Variants in DBNL observed in about 807,000 individuals in gnomAD.
The protein encoded by DBNL is drebrin-like protein.
Under a neutral mutation model 62.2 loss-of-function variants are expected in DBNL, and 35 were observed. That is an observed-to-expected ratio of 0.56 (90% confidence interval 0.43 to 0.75). The LOEUF (loss-of-function observed/expected upper bound fraction) is 0.75. DBNL is among the 30% of genes least tolerant of loss of function. The probability of loss-of-function intolerance (pLI) is 0.00; values close to 1 mark genes in which losing one functional copy is unlikely to be tolerated. For missense variants in DBNL, 495 were observed against 578.4 expected, an observed-to-expected ratio of 0.86 and a Z score of 1.48; for synonymous variants, 197 against 218.0, an observed-to-expected ratio of 0.90 and a Z score of 0.85.
chr7:44,062,880 T>TG lies in DBNL; in HGVS notation c.*1968dup. 6.2e-7 allele frequency: 1 copy of TG among 1,614,162 alleles called. No homozygotes were observed. Among genetic ancestry groups the TG allele is most frequent in the South Asian group, 1.1e-5 (1 of 91,080 alleles). ...AGCTCCTTGTTCAGCTCATACACAA[T>TG]GGGGATCCCCGTGGGCAGGTTCAGC... On this transcript the variant is annotated 3_prime_UTR_variant, in exon 13 of 13. Coordinates refer to ENST00000448521, the MANE Select transcript of DBNL (RefSeq NM_001014436.3).
At position 44,064,760 on chromosome 7, in the gene DBNL, CTT is replaced by C. The variant is rs1562660879; in HGVS notation, c.*3846_*3847del. ...GAAAGCCTGGTCCATGGGCGAGAGA[CTT>C]TGCTGAGATGAGAAGCCAGCTGGGG... On this transcript the variant is annotated 3_prime_UTR_variant, in exon 13 of 13. Transcript: ENST00000448521. The C allele has an allele frequency of 1.2e-5, 17 of 1,361,538 alleles. No homozygotes were observed. The highest frequency in any genetic ancestry group is 3.9e-5 in the Admixed American group (2 of 51,018). The allele number at this position is 1,361,538 out of a possible 1,614,324, so 84.3% of individuals were successfully genotyped here.
intron 1 of DBNL, 84 bp from the exon 2 acceptor site, chr7:44,050,141 T>G: frequency 1.4e-6 from 2 of 1,459,528 alleles, no homozygotes; most frequent in Non-Finnish European, 1.9e-6. Context: ...CTCTTTGGGA[T>G]GTAGTGGAAA....
At chr7:44,056,571 G>GTTGGTTTGTTTGAGCCCTCAA (rs1454857199) in intron 4 of DBNL, among the ~76,000 whole-genome samples, 186 bp from the exon 5 acceptor site, 1 of 152,186 alleles carries the variant, frequency 6.6e-6, no homozygotes, top group African/African-American at 2.4e-5. Flanking sequence ...TTTGCTCCAA[G>GTTGGTTTGTTTGAGCCCTCAA]TTGGTTTGTT....
chr7:44,053,943 T>A (rs1005281888), intron 4 of DBNL, among the ~76,000 whole-genome samples: 2 of 152,194 alleles, frequency 1.3e-5, no homozygotes, highest in Non-Finnish European at 2.9e-5. Flanking sequence ...CCCAAAGTGC[T>A]AGGATTACAG....
chr7:44,064,979 G>T lies in DBNL; in HGVS notation c.*4063G>T. On this transcript the variant is annotated 3_prime_UTR_variant, in exon 13 of 13. Transcript: ENST00000448521. ...TCCTTGAGGCTCTCGCAGGTGGGGA[G>T]TTCCCCGGGCTTCAGGCCTGCGTAC... The T allele has an allele frequency of 6.2e-7, 1 of 1,606,990 alleles. No homozygotes were observed. The highest frequency in any genetic ancestry group is 8.5e-7 in the Non-Finnish European group (1 of 1,179,622).
rs1020544085 is a variant in DBNL at position 44,068,179 on chromosome 7, C to T, written c.*7263C>T. 1 of 152,212 alleles carries T rather than the reference C, an allele frequency of 6.6e-6. No individual in the cohort carries two copies. Among genetic ancestry groups the T allele is most frequent in the Admixed American group, 6.5e-5 (1 of 15,290 alleles). 9.4% of individuals were successfully genotyped at this position (152,212 alleles called of 1,614,324 possible). A position where few individuals can be genotyped will look rare whatever the true frequency, so the allele number is the denominator to read the frequency against. On this transcript the variant is annotated 3_prime_UTR_variant, in exon 13 of 13. Coordinates refer to ENST00000448521, the MANE Select transcript of DBNL (RefSeq NM_001014436.3). ...CATGGGGCAACCACCTTCTGCAGCTCCTTTCTGCCCCCCTGCGCTGGGCCC... is the reference window on the plus strand; with the variant it reads ...CATGGGGCAACCACCTTCTGCAGCTTCTTTCTGCCCCCCTGCGCTGGGCCC...
intron 1 of DBNL, among the ~76,000 whole-genome samples, chr7:44,045,626 C>CT (rs1484581382): frequency 1.3e-5 from 2 of 152,244 alleles, no homozygotes; most frequent in African/African-American, 2.4e-5. Flanking sequence ...GCCTTGGAGT[C>CT]TGAGTCGTGG....
rs371509257 is a variant in DBNL at position 44,065,274 on chromosome 7, G to A, written c.*4358G>A. 54 of 1,613,416 alleles carry A rather than the reference G, an allele frequency of 3.3e-5. No homozygotes were observed. Among genetic ancestry groups the A allele is most frequent in the Admixed American group, 5.0e-5 (3 of 60,004 alleles). On this transcript the variant is annotated 3_prime_UTR_variant, in exon 13 of 13. Coordinates refer to ENST00000448521, the MANE Select transcript of DBNL (RefSeq NM_001014436.3). ...CCCCCGTAATGCCGCTCATTGAGGC[G>A]CCAAGTGCGCACCACAGGCAGCCAC...
chr7:44,063,293 C>CT lies in DBNL; in HGVS notation c.*2385dup, dbSNP rs561619477. On this transcript the variant is annotated 3_prime_UTR_variant, in exon 13 of 13. Coordinates refer to ENST00000448521, the MANE Select transcript of DBNL (RefSeq NM_001014436.3). Reference sequence around the variant, plus strand: ...TTTTTTTTCTTTTCTTTTTCTTTTTCTTTTTTTTGAGATGGAGTTTTACTC... The same window carrying CT: ...TTTTTTTTCTTTTCTTTTTCTTTTTCTTTTTTTTTGAGATGGAGTTTTACTC... The CT allele has an allele frequency of 7.2e-4, 227 of 315,402 alleles. 1 individual carries two copies. The highest frequency in any genetic ancestry group is 5.2e-3 in the South Asian group (184 of 35,152). 19.5% of individuals were successfully genotyped at this position (315,402 alleles called of 1,614,324 possible).
intron 1 of DBNL, among the ~76,000 whole-genome samples, chr7:44,048,596 A>G (rs1029799365): frequency 2.0e-5 from 3 of 152,172 alleles, no homozygotes; most frequent in Non-Finnish European, 4.4e-5. Flanking sequence ...GGCACTGGCA[A>G]AGCCCTGGGG....
chr7:44,058,997 T>C lies in DBNL; in HGVS notation c.835+14T>C. On this transcript the variant is annotated intron_variant, in intron 9 of 12. Transcript: ENST00000448521. ...GTCCTCAGCCTGGTGAGCTCTCCCT[T>C]TGGGCCTGGCCATGAGGCAGCAGCA... 6.2e-7 allele frequency: 1 copy of C among 1,613,602 alleles called. No homozygotes were observed. Among genetic ancestry groups the C allele is most frequent in the Non-Finnish European group, 8.5e-7 (1 of 1,179,850 alleles).
In DBNL at chr7:44,044,765, C is replaced by A; in HGVS notation, c.28C>A (p.Pro10Thr). 1 of 1,507,966 alleles carries A rather than the reference C, an allele frequency of 6.6e-7. No homozygotes were observed. The highest frequency in any genetic ancestry group is 1.2e-5 in the South Asian group (1 of 81,532). The allele number at this position is 1,507,966 out of a possible 1,614,324, so 93.4% of individuals were successfully genotyped here. The change falls in exon 1 of 13, where the codon CCA becomes ACA. Residue 10 changes from proline (P) to threonine (T), a missense_variant. By Grantham distance (38) the Pro-to-Thr change is conservative. Coordinates refer to ENST00000448521, the MANE Select transcript of DBNL (RefSeq NM_001014436.3). Reference protein sequence around the residue: MAANLSRNGPALQEAYVRVV... With the variant: MAANLSRNGTALQEAYVRVV... ...GGCGGCGAACCTGAGCCGGAACGGGCCAGCGCTGCAAGAGGCCTACGTGCG... is the reference window on the plus strand; with the variant it reads ...GGCGGCGAACCTGAGCCGGAACGGGACAGCGCTGCAAGAGGCCTACGTGCG...
At chr7:44,052,064 C>A in intron 3 of DBNL, 122 bp downstream of exon 3, 1 of 758,310 alleles carries the variant, frequency 1.3e-6, no homozygotes, top group Non-Finnish European at 2.2e-6. Context: ...AATAGAACAG[C>A]TCTGAGCTGG....
rs1258117026 is a variant in DBNL, at chr7:44,060,635, C to T, written c.1154-142C>T. 3.2e-6 allele frequency: 4 copies of T among 1,249,756 alleles called. No individual in the cohort carries two copies. Among genetic ancestry groups the T allele is most frequent in the East Asian group, 2.4e-5 (1 of 41,398 alleles). The allele number at this position is 1,249,756 out of a possible 1,614,324, so 77.4% of individuals were successfully genotyped here. A position where few individuals can be genotyped will look rare whatever the true frequency, so the allele number is the denominator to read the frequency against. On this transcript the variant is annotated intron_variant, in intron 12 of 12. Coordinates refer to ENST00000448521, the MANE Select transcript of DBNL (RefSeq NM_001014436.3). The surrounding 1 kb of genome is among the most constrained non-coding windows in gnomAD (Gnocchi z 6.3). ...GGGTGCAGTGTTGGCCAAGGCTTAG[C>T]AGGGTGGCAGGGATATTTCTGAGGA...
chr7:44,044,887 C>G (rs6944386), intron 1 of DBNL, 67 bp downstream of exon 1: 40 of 1,137,164 alleles, frequency 3.5e-5, no homozygotes, highest in South Asian at 1.2e-4. Context: ...CTGGGGCGAG[C>G]GGGGGACTCG....
In DBNL at chr7:44,064,793, G is replaced by GGCCCCCCAC; in HGVS notation, c.*3877_*3878insGCCCCCCAC. The GGCCCCCCAC allele has an allele frequency of 1.8e-6, 2 of 1,136,980 alleles. No homozygotes were observed. The highest frequency in any genetic ancestry group is 1.3e-6 in the Non-Finnish European group (1 of 773,400). The allele number at this position is 1,136,980 out of a possible 1,614,324, so 70.4% of individuals were successfully genotyped here. On this transcript the variant is annotated 3_prime_UTR_variant, in exon 13 of 13. Transcript: ENST00000448521. ...AGATGAGAAGCCAGCTGGGGCTGCT[G>GGCCCCCCAC]CCCACCCACCCTGCCCAGGCTCCTG... is the stretch of plus-strand genomic sequence containing the variant.
chr7:44,057,459 C>T (rs2096138525), intron 5 of DBNL, among the ~76,000 whole-genome samples: 1 of 152,164 alleles, frequency 6.6e-6, no homozygotes, highest in African/African-American at 2.4e-5. Context: ...TCAGAACTGC[C>T]CAATGTCTAG....
Position 44,063,163 on chromosome 7 carries a change from A to C in DBNL, c.*2247A>C. On this transcript the variant is annotated 3_prime_UTR_variant, in exon 13 of 13. Transcript: ENST00000448521. Reference sequence around the variant, plus strand: ...AAAAATGGGGACTTCAGCCCCACCCAAGTGGCTGTGATCTGTGGTGGTGCT... The same window carrying C: ...AAAAATGGGGACTTCAGCCCCACCCCAGTGGCTGTGATCTGTGGTGGTGCT... The C allele has an allele frequency of 5.3e-6, 3 of 563,112 alleles. No homozygotes were observed. The highest frequency in any genetic ancestry group is 6.6e-5 in the East Asian group (2 of 30,426). The allele number at this position is 563,112 out of a possible 1,614,324, so 34.9% of individuals were successfully genotyped here. A position where few individuals can be genotyped will look rare whatever the true frequency, so the allele number is the denominator to read the frequency against.
In DBNL at chr7:44,059,685, C is replaced by G; in HGVS notation, c.1047+27C>G. The G allele has an allele frequency of 6.4e-7, 1 of 1,566,976 alleles. No homozygotes were observed. The highest frequency in any genetic ancestry group is 8.6e-7 in the Non-Finnish European group (1 of 1,161,216). On this transcript the variant is annotated intron_variant, in intron 11 of 12. Coordinates refer to ENST00000448521, the MANE Select transcript of DBNL (RefSeq NM_001014436.3). This position sits in a 1 kb window ranked among gnomAD's most constrained non-coding sequence, Gnocchi z 4.1. ...TGGGTTCCTACACTGGGGCTGGGGCCAGGAAGGGGCTGCATACTCAGGAAC... is the reference window on the plus strand; with the variant it reads ...TGGGTTCCTACACTGGGGCTGGGGCGAGGAAGGGGCTGCATACTCAGGAAC...
Sources: gnomAD v4.1 joint callset for allele counts (sites outside exome capture counted in the v4.1 genomes callset) on GRCh38, gnomAD v4.1.1 for gene constraint, Gnocchi (gnomAD v3.1) non-coding constraint, MANE v1.5 for transcripts, NCBI Gene and HGNC (gene_info 2026-07-23, HGNC 2026-07-21) for gene names.